Variants in AGBL4 observed in about 807,000 individuals in gnomAD.
The protein encoded by AGBL4 is cytosolic carboxypeptidase 6.
In AGBL4, 58 loss-of-function variants were observed where a neutral mutation model predicts 66.4. The observed-to-expected ratio is 0.87, with a 90% CI of 0.71 to 1.09. The LOEUF (loss-of-function observed/expected upper bound fraction) is 1.09, where lower values mean the gene tolerates loss of function less well. Ranked by LOEUF, AGBL4 falls within the 50% of genes least tolerant of loss-of-function variation. The pLI, the probability that AGBL4 is intolerant of heterozygous loss-of-function variation, is 0.00. For synonymous variants in AGBL4, 234 were observed against 222.9 expected (o/e 1.05, Z -0.44); for missense variants, 579 against 631.0 (o/e 0.92, Z 0.88).
chr1:48,881,003 T>C (rs1649730429), intron 5 of AGBL4, among the ~76,000 whole-genome samples: 1 of 152,182 alleles, frequency 6.6e-6, no homozygotes, highest in Non-Finnish European at 1.5e-5. Flanking sequence ...ATTTAGACTG[T>C]TATTATTTTG....
chr1:49,737,696 T>G (rs1650013693), intron 2 of AGBL4, among the ~76,000 whole-genome samples: 1 of 152,200 alleles, frequency 6.6e-6, no homozygotes, highest in Non-Finnish European at 1.5e-5. Context: ...TTGATATTTG[T>G]AACAAAATCC....
intron 4 of AGBL4, among the ~76,000 whole-genome samples, chr1:49,142,649 G>A (rs1646141718): frequency 6.6e-6 from 1 of 152,012 alleles, no homozygotes; most frequent in African/African-American, 2.4e-5. Context: ...TTAGGGCCAT[G>A]ACATTTAGTA....
At chr1:49,432,717 T>C (rs1316417461) in intron 3 of AGBL4, among the ~76,000 whole-genome samples, 5 of 152,192 alleles carry the variant, frequency 3.3e-5, no homozygotes, top group Admixed American at 1.3e-4. Context: ...GTTGTTACAT[T>C]GTGAAACATG....
At chr1:49,387,894 T>C (rs1332856380) in intron 3 of AGBL4, among the ~76,000 whole-genome samples, 2 of 152,066 alleles carry the variant, frequency 1.3e-5, no homozygotes, top group African/African-American at 4.8e-5. Flanking sequence ...AAAAGGAACA[T>C]GAATTTTGGA....
intron 4 of AGBL4, among the ~76,000 whole-genome samples, chr1:49,222,734 G>T (rs942493150): frequency 1.8e-4 from 28 of 152,172 alleles, no homozygotes; most frequent in African/African-American, 6.5e-4. Context: ...TCTTTATTTT[G>T]TAATAATTCA....
At chr1:49,275,645 T>C (rs912766631) in intron 3 of AGBL4, among the ~76,000 whole-genome samples, 11 of 152,184 alleles carry the variant, frequency 7.2e-5, no homozygotes, top group Non-Finnish European at 2.9e-5. Context: ...AAAAAACCTA[T>C]AGTATACCTG....
chr1:49,224,296 C>T (rs1474263899), intron 4 of AGBL4, among the ~76,000 whole-genome samples: 1 of 152,104 alleles, frequency 6.6e-6, no homozygotes, highest in Admixed American at 6.6e-5. Context: ...GCTTTGAAAG[C>T]TCACACACCA....
At chr1:49,284,884 T>G (rs1644367117) in intron 3 of AGBL4, among the ~76,000 whole-genome samples, 1 of 150,012 alleles carries the variant, frequency 6.7e-6, no homozygotes, top group Non-Finnish European at 1.5e-5. Context: ...AAGTCCTGAG[T>G]GACCTACAAA....
At chr1:49,825,882 G>T (rs77648849) in intron 2 of AGBL4, among the ~76,000 whole-genome samples, 1 of 150,894 alleles carries the variant, frequency 6.6e-6, no homozygotes, top group Non-Finnish European at 1.5e-5. Flanking sequence ...CACCTTTTTG[G>T]TTCTGTTTCT....
chr1:49,459,240 C>G (rs190757905), intron 3 of AGBL4, among the ~76,000 whole-genome samples: 278 of 151,414 alleles, frequency 1.8e-3, no homozygotes, highest in Middle Eastern at 3.4e-3. Flanking sequence ...TCCTGAACTT[C>G]TTTTGGTTTG....
intron 12 of AGBL4, 112 bp downstream of exon 12, chr1:48,539,530 T>TAAAAAA: frequency 1.3e-6 from 1 of 796,982 alleles, no homozygotes; most frequent in Admixed American, 3.7e-5. Flanking sequence ...GGATTATCTT[T>TAAAAAA]CCTGCGGCAC....
At chr1:48,930,260 G>T (rs189034058) in intron 5 of AGBL4, among the ~76,000 whole-genome samples, 1 of 151,900 alleles carries the variant, frequency 6.6e-6, no homozygotes, top group African/African-American at 2.4e-5. Context: ...TGCTTGGCAC[G>T]CTCTGCCATC....
chr1:49,845,712 T>G, intron 2 of AGBL4: 1 of 1,596,066 alleles, frequency 6.3e-7, no homozygotes, highest in Non-Finnish European at 8.6e-7. Flanking sequence ...CATTCCTGAC[T>G]GAGCATCAGA....
intron 3 of AGBL4, among the ~76,000 whole-genome samples, chr1:49,535,072 T>C (rs539549001): frequency 3.0e-4 from 46 of 152,248 alleles, no homozygotes; most frequent in Admixed American, 7.2e-4. Flanking sequence ...GTCTTCAATA[T>C]TGACACTTTT....
intron 6 of AGBL4, among the ~76,000 whole-genome samples, chr1:48,670,117 T>TG (rs1646253495): frequency 6.6e-6 from 1 of 152,198 alleles, no homozygotes; most frequent in Admixed American, 6.5e-5. Flanking sequence ...TATCAGGCGC[T>TG]GGGGACAGGA....
chr1:49,569,875 GGC>G (rs1412233155), intron 3 of AGBL4, among the ~76,000 whole-genome samples: 1 of 152,080 alleles, frequency 6.6e-6, no homozygotes, highest in Non-Finnish European at 1.5e-5. Flanking sequence ...TTAAGATAAT[GGC>G]CTCCAGTTCC....
At chr1:49,884,591 C>T (rs1359298646) in intron 1 of AGBL4, among the ~76,000 whole-genome samples, 1 of 151,428 alleles carries the variant, frequency 6.6e-6, no homozygotes. Flanking sequence ...CTAAAACACC[C>T]TTATATAGTA....
intron 2 of AGBL4, among the ~76,000 whole-genome samples, chr1:49,776,483 G>A (rs1251871768): frequency 2.6e-5 from 4 of 152,060 alleles, no homozygotes; most frequent in African/African-American, 9.7e-5. Context: ...TATATGATGA[G>A]AGTCCTAAAT....
chr1:49,160,728 C>G (rs1246536743), intron 4 of AGBL4, among the ~76,000 whole-genome samples: 1 of 152,188 alleles, frequency 6.6e-6, no homozygotes, highest in South Asian at 2.1e-4. Context: ...GCTTCTGCCT[C>G]TTTTTCAGAG....
Sources: gnomAD v4.1 joint callset for allele counts (sites outside exome capture counted in the v4.1 genomes callset) on GRCh38, gnomAD v4.1.1 for gene constraint, MANE v1.5 for transcripts, NCBI Gene and HGNC (gene_info 2026-07-23, HGNC 2026-07-21) for gene names.